STARD13: variants seen among roughly 807,000 people sequenced by gnomAD.
STARD13 encodes the protein StAR related lipid transfer domain containing 13.
Under a neutral mutation model 106.4 loss-of-function variants are expected in STARD13, and 62 were observed. That is an observed-to-expected ratio of 0.58 (90% CI 0.48 to 0.72). The LOEUF is 0.72. Among genes scored for constraint, STARD13 ranks in the 30% least tolerant of loss-of-function variants. The pLI is 0.00. For synonymous variants in STARD13, 565 were observed against 553.0 expected (o/e 1.02, Z -0.31); for missense variants, 1,387 against 1,424.0 (o/e 0.97, Z 0.42).
At chr13:33,552,175 CAAT>C in the STARD13 span, among the ~76,000 whole-genome samples, 1 of 151,988 alleles carries the variant, frequency 6.6e-6, no homozygotes, top group African/African-American at 2.4e-5. Context: ...GAGATATAGA[CAAT>C]AATAATTGGA....
At chr13:33,490,310 C>A in the STARD13 span, among the ~76,000 whole-genome samples, 604 of 152,218 alleles carry the variant, frequency 4.0e-3, 4 homozygotes, top group African/African-American at 0.014. Context: ...GGCAAAGGCC[C>A]CACCCTCAAG....
chr13:33,299,404 A>G (rs537248827), intron 1 of STARD13, among the ~76,000 whole-genome samples: 2 of 152,336 alleles, frequency 1.3e-5, no homozygotes, highest in East Asian at 3.9e-4. Flanking sequence ...TTATCCAAAC[A>G]CTTCCTAAGA....
rs34146261 is a variant in STARD13 at position 33,152,416 on chromosome 13, CAA to C, written c.324-10045_324-10044del. Among the ~76,000 whole-genome samples, 159 of 138,130 alleles carry C rather than the reference CAA, an allele frequency of 1.2e-3. 2 individuals are homozygous for C. The South Asian group carries it at 0.021, about 18-fold the overall frequency. The allele number at this position is 138,130 out of a possible 152,430, so 90.6% of individuals were successfully genotyped here. A position where few individuals can be genotyped will look rare whatever the true frequency, so the allele number is the denominator to read the frequency against. ...TGCTAACCCCGAGGCTTCAGTCATACAAAAAAAAAAAAAAATAGCCATTCTTC... is the reference window on the plus strand; with the variant it reads ...TGCTAACCCCGAGGCTTCAGTCATACAAAAAAAAAAAAATAGCCATTCTTC... On this transcript the variant is annotated intron_variant, in intron 3 of 13. Transcript: ENST00000336934.
chr13:33,436,955 G>A, the STARD13 span, among the ~76,000 whole-genome samples: 697 of 152,110 alleles, frequency 4.6e-3, 7 homozygotes, highest in Non-Finnish European at 8.0e-3. Context: ...GTCACATTCC[G>A]CCTTCCATCT....
chr13:33,580,184 A>G, the STARD13 span, among the ~76,000 whole-genome samples: 1 of 152,176 alleles, frequency 6.6e-6, no homozygotes, highest in African/African-American at 2.4e-5. Context: ...TAGGTGAATT[A>G]ATAAACTATG....
chr13:33,233,208 C>T (rs1017263314), intron 1 of STARD13, among the ~76,000 whole-genome samples: 1 of 152,228 alleles, frequency 6.6e-6, no homozygotes, highest in African/African-American at 2.4e-5. Context: ...GGACTGAGAG[C>T]TTGTCTTCCT....
At chr13:33,170,298 C>T (rs1284966412) in intron 1 of STARD13, among the ~76,000 whole-genome samples, 1 of 152,060 alleles carries the variant, frequency 6.6e-6, no homozygotes, top group African/African-American at 2.4e-5. Context: ...TACTATGTCC[C>T]CACAAAAATG....
chr13:33,116,041 G>T (rs1875318578), intron 8 of STARD13, among the ~76,000 whole-genome samples: 1 of 152,164 alleles, frequency 6.6e-6, no homozygotes, highest in South Asian at 2.1e-4. Context: ...ACTGTAACTG[G>T]TAAGTCCCTC....
the STARD13 span, among the ~76,000 whole-genome samples, chr13:33,499,529 T>C: frequency 5.8e-5 from 3 of 51,510 alleles, no homozygotes; most frequent in East Asian, 5.6e-4. Flanking sequence ...TTTCTTCTTC[T>C]TCTTCTTCTT....
chr13:33,112,050 C>CT (rs1373925201), intron 9 of STARD13, among the ~76,000 whole-genome samples, 158 bp from the exon 10 acceptor site: 4 of 152,168 alleles, frequency 2.6e-5, no homozygotes, highest in African/African-American at 9.7e-5. Flanking sequence ...TCTTAGATAT[C>CT]TGAATCAGGC....
At chr13:33,442,441 G>A in the STARD13 span, among the ~76,000 whole-genome samples, 1 of 152,114 alleles carries the variant, frequency 6.6e-6, no homozygotes, top group African/African-American at 2.4e-5. Context: ...AACTGAAATA[G>A]GAATTCCAGA....
At chr13:33,439,336 C>G in the STARD13 span, among the ~76,000 whole-genome samples, 1 of 152,178 alleles carries the variant, frequency 6.6e-6, no homozygotes, top group Non-Finnish European at 1.5e-5. Context: ...GCCTTACCTT[C>G]GAAGCAGATG....
chr13:33,375,812 G>T, the STARD13 span, among the ~76,000 whole-genome samples: 10 of 152,178 alleles, frequency 6.6e-5, no homozygotes, highest in African/African-American at 2.4e-4. Flanking sequence ...GTTTTTATTA[G>T]CAGGGAGGGG....
At chr13:33,127,017 C>T (rs1230031517) in intron 6 of STARD13, among the ~76,000 whole-genome samples, 1 of 152,240 alleles carries the variant, frequency 6.6e-6, no homozygotes, top group African/African-American at 2.4e-5. Context: ...AGCTTTGCAT[C>T]AGGCCAGAAG....
At chr13:33,601,663 C>G in the STARD13 span, among the ~76,000 whole-genome samples, 1 of 152,218 alleles carries the variant, frequency 6.6e-6, no homozygotes, top group Non-Finnish European at 1.5e-5. Flanking sequence ...TTCCCAAACA[C>G]CAAGACTGGG....
At chr13:33,255,106 C>G (rs866111790) in intron 1 of STARD13, among the ~76,000 whole-genome samples, 103 of 144,956 alleles carry the variant, frequency 7.1e-4, no homozygotes, top group African/African-American at 2.2e-3. Context: ...GCTCCCCCCC[C>G]CCTCAGAGGC....
the STARD13 span, among the ~76,000 whole-genome samples, chr13:33,557,170 T>G: frequency 6.6e-6 from 1 of 152,024 alleles, no homozygotes; most frequent in Non-Finnish European, 1.5e-5. Flanking sequence ...AGAATATTGT[T>G]TCCCCCCTCC....
At chr13:33,374,402 A>C in the STARD13 span, among the ~76,000 whole-genome samples, 1 of 152,320 alleles carries the variant, frequency 6.6e-6, no homozygotes, top group African/African-American at 2.4e-5. Flanking sequence ...CCAAAGAACT[A>C]TATACTTAAA....
chr13:33,349,554 A>G (rs2078051503), intron 1 of STARD13, among the ~76,000 whole-genome samples: 1 of 152,206 alleles, frequency 6.6e-6, no homozygotes, highest in South Asian at 2.1e-4. Context: ...TGGGAGAGGT[A>G]CTAAGGAGGG....
Sources: gnomAD v4.1 joint callset for allele counts (sites outside exome capture counted in the v4.1 genomes callset) on GRCh38, gnomAD v4.1.1 for gene constraint, MANE v1.5 for transcripts, NCBI Gene and HGNC (gene_info 2026-07-23, HGNC 2026-07-21) for gene names.